ADRA1D: variants seen among roughly 807,000 people sequenced by gnomAD.
The protein encoded by ADRA1D is alpha-1D adrenergic receptor.
Under a neutral mutation model 18.6 loss-of-function variants are expected in ADRA1D, and 22 were observed. The ratio of observed to expected loss-of-function variants is 1.19; its 90% CI spans 0.85 to 1.69. The LOEUF (loss-of-function observed/expected upper bound fraction) is 1.69, where lower values mean the gene tolerates loss of function less well. Among genes scored for constraint, ADRA1D ranks in the 40% most tolerant of loss-of-function variants. The pLI is 0.00. For synonymous variants in ADRA1D, 376 were observed against 388.2 expected (o/e 0.97, Z 0.37); for missense variants, 840 against 840.7 (o/e 1.00, Z 0.01).
chr20:4,230,912 G>A (rs141602944), intron 1 of ADRA1D, among the ~76,000 whole-genome samples: 386 of 152,256 alleles, frequency 2.5e-3, no homozygotes, highest in African/African-American at 8.1e-3. Context: ...GTCCTTTCCC[G>A]TGCAACTACA....
At chr20:4,246,558 G>A (rs572357406) in intron 1 of ADRA1D, among the ~76,000 whole-genome samples, 7 of 151,956 alleles carry the variant, frequency 4.6e-5, no homozygotes, top group African/African-American at 1.2e-4. Context: ...AGACCGTGAC[G>A]GCAGAGAGGG....
chr20:4,241,364 G>T (rs1158748951), intron 1 of ADRA1D, among the ~76,000 whole-genome samples: 3 of 152,202 alleles, frequency 2.0e-5, no homozygotes, highest in Non-Finnish European at 2.9e-5. Context: ...CATAGTTAAT[G>T]ATATGTAGTT....
intron 1 of ADRA1D, among the ~76,000 whole-genome samples, chr20:4,238,501 G>C (rs1981147806): frequency 6.6e-6 from 1 of 152,112 alleles, no homozygotes. Context: ...GAGGGTTGAG[G>C]AGTAACTGAA....
In ADRA1D at chr20:4,221,610, T is replaced by C; in HGVS notation, c.1632A>G (p.Leu544=). The C allele has an allele frequency of 6.2e-7, 1 of 1,613,526 alleles. No homozygotes were observed. ...AQRSEVEAVS[L]GVPHEVAEGA... ...CCTCGGCCACCTCGTGTGGGACGCC[T>C]AGGGACACAGCCTCCACCTCTGAGC... is the stretch of plus-strand genomic sequence containing the variant. Residue 544 remains leucine, a synonymous_variant, in exon 2 of 2, where the codon CTA becomes CTG. Transcript: ENST00000379453.
chr20:4,221,804 T>A lies in ADRA1D; in HGVS notation c.1438A>T (p.Met480Leu). The part of the protein sequence containing the change: ...PDPEPPGTPE[M>L]QAPVASRRKP... The stretch of plus-strand genomic sequence containing the variant: ...CGACGGCTGGCGACCGGAGCCTGCA[T>A]CTCGGGCGTGCCTGGGGGTTCGGGG... The change falls in exon 2 of 2, where the codon ATG becomes TTG. Residue 480 changes from methionine to leucine, a missense_variant. Physicochemically the swap from Met to Leu is conservative, Grantham distance 15. Coordinates refer to ENST00000379453, the MANE Select transcript of ADRA1D (RefSeq NM_000678.4). The A allele has an allele frequency of 6.5e-7, 1 of 1,548,834 alleles. No homozygotes were observed.
rs763731553 is a variant in ADRA1D, at chr20:4,221,633, AGCGCTGGGCGCACGCTGCCTCTGC to A, written c.1585_1608del (p.Ala529_Arg536del). ...CCTAGGGACACAGCCTCCACCTCTG[AGCGCTGGGCGCACGCTGCCTCTGC>A]GCGCTGCGCGCCCCCGGCGCGGATC... is the stretch of plus-strand genomic sequence containing the variant. On this transcript the variant is annotated inframe_deletion, in exon 2 of 2. Transcript: ENST00000379453. The A allele has an allele frequency of 1.9e-6, 3 of 1,613,068 alleles. No individual in the cohort carries two copies. Among genetic ancestry groups the A allele is most frequent in the Non-Finnish European group, 1.7e-6 (2 of 1,179,622 alleles).
chr20:4,229,142 G>T (rs1980896148), intron 1 of ADRA1D, among the ~76,000 whole-genome samples: 1 of 152,122 alleles, frequency 6.6e-6, no homozygotes, highest in African/African-American at 2.4e-5. Context: ...ATTTAGTCTT[G>T]CAGTTTCCTG....
intron 1 of ADRA1D, among the ~76,000 whole-genome samples, chr20:4,234,349 A>G (rs1241237623): frequency 1.3e-5 from 2 of 152,192 alleles, no homozygotes; most frequent in African/African-American, 4.8e-5. Flanking sequence ...CATCACCAGA[A>G]GGAACTTGTT....
chr20:4,245,467 G>A (rs1701595858), intron 1 of ADRA1D, among the ~76,000 whole-genome samples: 1 of 152,186 alleles, frequency 6.6e-6, no homozygotes, highest in Non-Finnish European at 1.5e-5. Context: ...ACAGGAGGAG[G>A]GGATCTAGTT....
chr20:4,224,736 T>C lies in ADRA1D; in HGVS notation c.1112-2606A>G, dbSNP rs111640306. Among the ~76,000 whole-genome samples the C allele has an allele frequency of 9.4e-3, 1,370 of 146,226 alleles. 85 individuals carry two copies. Among genetic ancestry groups the C allele is most frequent in the African/African-American group, 0.034 (1,274 of 37,716 alleles). On this transcript the variant is annotated intron_variant, in intron 1 of 1. Transcript: ENST00000379453. ...GGGTAGGGGGGGGTCCTTAACAAAT[T>C]ATGGGACCTTCTCTCTCTTCCTCTT...
intron 1 of ADRA1D, among the ~76,000 whole-genome samples, chr20:4,224,057 A>G (rs1980736029): frequency 1.3e-5 from 2 of 152,184 alleles, no homozygotes; most frequent in African/African-American, 4.8e-5. Flanking sequence ...GGGCAAGAAA[A>G]TACCAAGTTT....
In ADRA1D at chr20:4,248,816, C is replaced by G. The variant is rs1391892993; in HGVS notation, c.142G>C (p.Gly48Arg). Residue 48 changes from glycine to arginine, a missense_variant, in exon 1 of 2, where the codon GGG becomes CGG. Physicochemically the swap from Gly to Arg is moderately radical, Grantham distance 125 (BLOSUM62 -2). Transcript: ENST00000379453. ...ACGCCGCCGCCGCCGCCCGCGCCCC[C>G]CGGCACGCCGCCCACCGCCGGGCCC... ...SEGPAVGGVP[G>R]GAGGGGGVVG... is the part of the protein sequence containing the mutation. 1.9e-6 allele frequency: 2 copies of G among 1,055,656 alleles called. No homozygotes were observed. The highest frequency in any genetic ancestry group is 7.4e-5 in the East Asian group (1 of 13,590). The allele number at this position is 1,055,656 out of a possible 1,614,324, so 65.4% of individuals were successfully genotyped here. A position where few individuals can be genotyped will look rare whatever the true frequency, so the allele number is the denominator to read the frequency against.
chr20:4,245,156 A>G (rs919693432), intron 1 of ADRA1D, among the ~76,000 whole-genome samples: 2 of 152,232 alleles, frequency 1.3e-5, no homozygotes, highest in Non-Finnish European at 2.9e-5. Context: ...TGTTGATTGG[A>G]ACAAGGAAGA....
chr20:4,221,680 A>G lies in ADRA1D; in HGVS notation c.1562T>C (p.Ile521Thr). The change falls in exon 2 of 2, where the codon ATC (isoleucine) becomes ACC (threonine). Residue 521 changes from isoleucine (I) to threonine (T), a missense_variant. Ile to Thr is a moderately conservative substitution (Grantham distance 89). Coordinates refer to ENST00000379453, the MANE Select transcript of ADRA1D (RefSeq NM_000678.4). ...RAKVSSLSHK[I>T]RAGGAQRAEA... Reference sequence around the variant, plus strand: ...TGCGCGCTGCGCGCCCCCGGCGCGGATCTTGTGCGACAGGCTGGAGACTTT... The same window carrying G: ...TGCGCGCTGCGCGCCCCCGGCGCGGGTCTTGTGCGACAGGCTGGAGACTTT... 5 of 1,612,370 alleles carry G rather than the reference A, an allele frequency of 3.1e-6. No homozygotes were observed. Among genetic ancestry groups the G allele is most frequent in the Non-Finnish European group, 4.2e-6 (5 of 1,179,588 alleles).
intron 1 of ADRA1D, among the ~76,000 whole-genome samples, chr20:4,240,533 C>A (rs1251499927): frequency 1.3e-5 from 2 of 151,814 alleles, no homozygotes; most frequent in African/African-American, 4.8e-5. Flanking sequence ...GTGGTTCATG[C>A]CTGTAATCCC....
At chr20:4,236,077 C>T (rs986263627) in intron 1 of ADRA1D, among the ~76,000 whole-genome samples, 2 of 152,178 alleles carry the variant, frequency 1.3e-5, no homozygotes, top group African/African-American at 2.4e-5. Flanking sequence ...AAGCTGAAAA[C>T]ATGGCTTCCA....
At position 4,221,407 on chromosome 20, in the gene ADRA1D, G is replaced by T; in HGVS notation, c.*116C>A. 1 of 1,141,560 alleles carries T rather than the reference G, an allele frequency of 8.8e-7. No individual in the cohort carries two copies. The highest frequency in any genetic ancestry group is 1.2e-6 in the Non-Finnish European group (1 of 800,252). 70.7% of individuals were successfully genotyped at this position (1,141,560 alleles called of 1,614,324 possible). On this transcript the variant is annotated 3_prime_UTR_variant, in exon 2 of 2. Coordinates refer to ENST00000379453, the MANE Select transcript of ADRA1D (RefSeq NM_000678.4). The stretch of plus-strand genomic sequence containing the variant: ...TCCTCAGGGATGTCACAGAGCAGCT[G>T]CCCTGATCAGTTTCCGGGTCTCCGA...
In ADRA1D at chr20:4,222,178, G is replaced by C; in HGVS notation, c.1112-48C>G. ...CTATTTAGCTGCTTGGGGAGGGGGA[G>C]GCCAGGCGGCTCTGGGCGCAAAGGG... On this transcript the variant is annotated intron_variant, in intron 1 of 1. Transcript: ENST00000379453. This position sits in a 1 kb window ranked among gnomAD's most constrained non-coding sequence, Gnocchi z 4.3. 1 of 1,583,668 alleles carries C rather than the reference G, an allele frequency of 6.3e-7. No homozygotes were observed. The highest frequency in any genetic ancestry group is 1.1e-5 in the South Asian group (1 of 89,032).
chr20:4,221,409 C>G lies in ADRA1D; in HGVS notation c.*114G>C. On this transcript the variant is annotated 3_prime_UTR_variant, in exon 2 of 2. Coordinates refer to ENST00000379453, the MANE Select transcript of ADRA1D (RefSeq NM_000678.4). ...CTCAGGGATGTCACAGAGCAGCTGCCCTGATCAGTTTCCGGGTCTCCGATT... is the reference window on the plus strand; with the variant it reads ...CTCAGGGATGTCACAGAGCAGCTGCGCTGATCAGTTTCCGGGTCTCCGATT... 1.7e-6 allele frequency: 2 copies of G among 1,167,470 alleles called. No homozygotes were observed. The highest frequency in any genetic ancestry group is 2.4e-6 in the Non-Finnish European group (2 of 823,034). 72.3% of individuals were successfully genotyped at this position (1,167,470 alleles called of 1,614,324 possible). A position where few individuals can be genotyped will look rare whatever the true frequency, so the allele number is the denominator to read the frequency against.
Sources: allele counts gnomAD v4.1 joint callset (sites outside exome capture counted in the v4.1 genomes callset), GRCh38; gene constraint gnomAD v4.1.1; non-coding constraint Gnocchi (gnomAD v3.1); transcripts MANE v1.5; gene names NCBI Gene and HGNC (gene_info 2026-07-23, HGNC 2026-07-21).